Variants in EML5 observed in about 807,000 individuals in gnomAD.
EML5 encodes the protein EMAP like 5.
In EML5, 120 loss-of-function variants were observed where a neutral mutation model predicts 250.0. That is an observed-to-expected ratio of 0.48 (90% CI 0.41 to 0.56). The LOEUF is 0.56. Ranked by LOEUF, EML5 falls within the 20% of genes least tolerant of loss-of-function variation. The pLI is 0.00. For missense variants in EML5, 2,006 were observed against 2,437.6 expected (o/e 0.82, Z 3.73); for synonymous variants, 771 against 806.5 (o/e 0.96, Z 0.75).
chr14:88,750,396 TTGC>T (rs900101111), intron 2 of EML5, among the ~76,000 whole-genome samples: 2 of 152,120 alleles, frequency 1.3e-5, no homozygotes, highest in Non-Finnish European at 2.9e-5. Flanking sequence ...ATTATTATTA[TTGC>T]TATTAGTTTA....
At position 88,754,671 on chromosome 14, in the gene EML5, G is replaced by A; in HGVS notation, c.198C>T (p.Ser66=). 6.3e-7 allele frequency: 1 copy of A among 1,599,648 alleles called. No individual in the cohort carries two copies. The highest frequency in any genetic ancestry group is 1.3e-5 in the African/African-American group (1 of 74,476). Residue 66 remains serine, a splice_region_variant and synonymous_variant, in exon 2 of 44, where the codon AGC becomes AGT. Coordinates refer to ENST00000554922, the MANE Select transcript of EML5 (RefSeq NM_183387.3). The part of the protein sequence containing the change: ...FYRGHSDDII[S]LALHPERVLV... Reference sequence around the variant, plus strand: ...ACACTCGTTCAGGATGCAATGCAAGGCTGTAAAATAAGGAAATAAATAAGT... The same window carrying A: ...ACACTCGTTCAGGATGCAATGCAAGACTGTAAAATAAGGAAATAAATAAGT...
intron 1 of EML5, among the ~76,000 whole-genome samples, chr14:88,767,633 T>C (rs998420629): frequency 1.3e-5 from 2 of 152,222 alleles, no homozygotes; most frequent in Admixed American, 6.5e-5. Flanking sequence ...TATGTGTGTC[T>C]GCTTGTGGCC....
intron 31 of EML5, among the ~76,000 whole-genome samples, chr14:88,639,978 A>G (rs1344556860): frequency 1.3e-5 from 2 of 152,186 alleles, no homozygotes; most frequent in Non-Finnish European, 2.9e-5. Context: ...GTCCATGCAG[A>G]AGGGAAAAAA....
At chr14:88,781,118 C>T (rs1236795086) in intron 1 of EML5, among the ~76,000 whole-genome samples, 1 of 152,328 alleles carries the variant, frequency 6.6e-6, no homozygotes, top group South Asian at 2.1e-4. Context: ...ACAATTTAGG[C>T]TCCTCTATAT....
intron 2 of EML5, among the ~76,000 whole-genome samples, chr14:88,748,954 A>C (rs189523810): frequency 6.8e-4 from 104 of 151,996 alleles, no homozygotes; most frequent in Non-Finnish European, 1.4e-3. Flanking sequence ...GTGGTCTAAC[A>C]TACAGGTAAT....
intron 9 of EML5, among the ~76,000 whole-genome samples, chr14:88,712,782 C>T (rs1279710285): frequency 1.3e-5 from 2 of 151,914 alleles, no homozygotes; most frequent in African/African-American, 4.8e-5. Context: ...AAAAATGATA[C>T]AGATTAGTCA....
At position 88,622,701 on chromosome 14, in the gene EML5, G is replaced by A. The variant is rs757009157; in HGVS notation, c.4916C>T (p.Ala1639Val). 6 of 1,605,810 alleles carry A rather than the reference G, an allele frequency of 3.7e-6. No individual in the cohort carries two copies. The highest frequency in any genetic ancestry group is 2.2e-5 in the East Asian group (1 of 44,456). ...GKERPSKEGG[A>V]VKLWDQELRR... Reference sequence around the variant, plus strand: ...CAGTTCCTGATCCCACAGTTTAACCGCTCCTCCTTCTTTTGACCTAAGTAA... The same window carrying A: ...CAGTTCCTGATCCCACAGTTTAACCACTCCTCCTTCTTTTGACCTAAGTAA... The change falls in exon 37 of 44, where the codon GCG becomes GTG. Residue 1639 changes from alanine to valine, a missense_variant. Physicochemically the swap from Ala to Val is moderately conservative, Grantham distance 64. This residue lies in a region of EML5 where 405 missense variants were observed against 523.3 expected (regional missense o/e 0.77). Transcript: ENST00000554922.
At chr14:88,721,553 T>C (rs554155782) in intron 8 of EML5, among the ~76,000 whole-genome samples, 1 of 152,164 alleles carries the variant, frequency 6.6e-6, no homozygotes, top group African/African-American at 2.4e-5. Flanking sequence ...CTGGGAAAAC[T>C]GGCCAGCTAT....
At chr14:88,640,812 G>A (rs1490613541) in intron 31 of EML5, among the ~76,000 whole-genome samples, 6 of 151,844 alleles carry the variant, frequency 4.0e-5, no homozygotes, top group African/African-American at 1.5e-4. Flanking sequence ...TAGACCACTA[G>A]TAGTTAGCTT....
At chr14:88,698,578 C>T (rs188317111) in intron 14 of EML5, among the ~76,000 whole-genome samples, 1 of 152,222 alleles carries the variant, frequency 6.6e-6, no homozygotes, top group East Asian at 1.9e-4. Context: ...TTGACTCCTA[C>T]TACTGAGTTT....
At chr14:88,704,825 T>C (rs749531256) in intron 13 of EML5, 35 bp downstream of exon 13, 4 of 1,548,838 alleles carry the variant, frequency 2.6e-6, no homozygotes, top group Admixed American at 3.4e-5. Flanking sequence ...TGAACCAAAA[T>C]TCAAACAAAT....
At chr14:88,720,366 A>G (rs1022736225) in intron 8 of EML5, among the ~76,000 whole-genome samples, 1 of 152,218 alleles carries the variant, frequency 6.6e-6, no homozygotes, top group Non-Finnish European at 1.5e-5. Flanking sequence ...ATGAATATCA[A>G]TGCAAAAATC....
intron 2 of EML5, among the ~76,000 whole-genome samples, chr14:88,747,949 C>T (rs985290874): frequency 6.7e-6 from 1 of 149,582 alleles, no homozygotes; most frequent in South Asian, 2.2e-4. Flanking sequence ...TGTTTTCAGA[C>T]ATTTGCAACT....
chr14:88,715,223 A>T (rs1252870739), intron 8 of EML5, 28 bp from the exon 9 acceptor site: 1 of 1,546,494 alleles, frequency 6.5e-7, no homozygotes, highest in Non-Finnish European at 8.7e-7. Context: ...ATGAGACTAC[A>T]TGAACAGAAG....
At chr14:88,686,217 A>G (rs953861912) in intron 19 of EML5, among the ~76,000 whole-genome samples, 1 of 152,144 alleles carries the variant, frequency 6.6e-6, no homozygotes, top group Admixed American at 6.6e-5. Flanking sequence ...GAGGAAGGAC[A>G]TGTTTTAGGA....
At chr14:88,685,172 G>C in intron 19 of EML5, 30 bp from the exon 20 acceptor site, 1 of 1,570,660 alleles carries the variant, frequency 6.4e-7, no homozygotes, top group Non-Finnish European at 8.6e-7. Context: ...TGTTCTTTTA[G>C]ACATACAGTT....
rs541812738 is a variant in EML5, at chr14:88,638,631, G to A, written c.4336+178C>T. Reference sequence around the variant, plus strand: ...CAAGACCAACTCAGATAACCAGAGTGAGTGAGAGAAAGGTACCTGAAAGCA... The same window carrying A: ...CAAGACCAACTCAGATAACCAGAGTAAGTGAGAGAAAGGTACCTGAAAGCA... On this transcript the variant is annotated intron_variant, in intron 32 of 43. Transcript: ENST00000554922. Among the ~76,000 whole-genome samples, 3 of 152,354 alleles carry A rather than the reference G, an allele frequency of 2.0e-5. No individual in the cohort carries two copies. The South Asian group carries it at 6.2e-4, about 32-fold the overall frequency.
intron 30 of EML5, 135 bp downstream of exon 30, chr14:88,644,298 C>T (rs2140676723): frequency 1.4e-6 from 1 of 696,176 alleles, no homozygotes; most frequent in Non-Finnish European, 2.3e-6. Flanking sequence ...CTCAGACTTA[C>T]ATAAGAATTA....
intron 28 of EML5, 98 bp downstream of exon 28, chr14:88,649,814 T>TCAA: frequency 2.0e-6 from 2 of 982,876 alleles, no homozygotes; most frequent in Middle Eastern, 3.2e-4. Context: ...ACAAATGTAG[T>TCAA]TAAATGTTTT....
Sources: allele counts gnomAD v4.1 joint callset (sites outside exome capture counted in the v4.1 genomes callset), GRCh38; gene constraint gnomAD v4.1.1; regional missense constraint gnomAD v4.1.1; transcripts MANE v1.5; gene names NCBI Gene and HGNC (gene_info 2026-07-23, HGNC 2026-07-21).